Variants in EHMT1 observed in about 807,000 individuals in gnomAD.
The protein encoded by EHMT1 is histone-lysine N-methyltransferase EHMT1.
A neutral mutation model predicts 147.2 loss-of-function variants in EHMT1; 15 were observed. The ratio of observed to expected loss-of-function variants is 0.10; its 90% confidence interval spans 0.07 to 0.16. EHMT1 has a LOEUF of 0.16. EHMT1 is among the 10% of genes least tolerant of loss of function. EHMT1 has a pLI of 1.00. For synonymous variants in EHMT1, 795 were observed against 709.6 expected (o/e 1.12, Z -1.91); for missense variants, 1,587 against 1,772.4 (o/e 0.90, Z 1.88).
At chr9:137,669,048 C>G (rs928238663) in intron 1 of EHMT1, among the ~76,000 whole-genome samples, 1 of 152,092 alleles carries the variant, frequency 6.6e-6, no homozygotes, top group Admixed American at 6.6e-5. Flanking sequence ...CACTGACCCC[C>G]GCTAATTTTT....
At chr9:137,758,166 C>T (rs1052353148) in intron 9 of EHMT1, among the ~76,000 whole-genome samples, 155 bp downstream of exon 9, 8 of 152,260 alleles carry the variant, frequency 5.3e-5, no homozygotes, top group South Asian at 2.1e-4. Flanking sequence ...GGATGGGGTG[C>T]GTTTGCTGTG....
rs890540301 is a variant in EHMT1 at position 137,619,044 on chromosome 9, G to A, written c.16G>A (p.Ala6Thr). The A allele has an allele frequency of 7.3e-6, 7 of 958,026 alleles. No individual in the cohort carries two copies. The highest frequency in any genetic ancestry group is 8.7e-6 in the Non-Finnish European group (7 of 807,120). 59.3% of individuals were successfully genotyped at this position (958,026 alleles called of 1,614,324 possible). A position where few individuals can be genotyped will look rare whatever the true frequency, so the allele number is the denominator to read the frequency against. Residue 6 changes from alanine (A) to threonine (T), a missense_variant, in exon 1 of 27, where the codon GCC (alanine) becomes ACC (threonine). Ala to Thr is a moderately conservative substitution (Grantham distance 58). Coordinates refer to ENST00000460843, the MANE Select transcript of EHMT1 (RefSeq NM_024757.5). ...GGCCCGGGCCATGGCCGCCGCCGAT[G>A]CCGAGGTGAGCAGCGGGGCCGGCGG... MAAAD[A>T]EAVPARGEPQ...
At chr9:137,620,471 A>G (rs1467904852) in intron 1 of EHMT1, among the ~76,000 whole-genome samples, 1 of 152,162 alleles carries the variant, frequency 6.6e-6, no homozygotes, top group East Asian at 1.9e-4. Flanking sequence ...GCTGGAATGC[A>G]GAGGCATGAT....
intron 1 of EHMT1, among the ~76,000 whole-genome samples, chr9:137,630,247 G>C (rs1843540446): frequency 6.6e-6 from 1 of 152,200 alleles, no homozygotes; most frequent in African/African-American, 2.4e-5. Context: ...ACAAAGTTTT[G>C]AGATTGATCC....
At chr9:137,656,100 C>T (rs377368720) in intron 1 of EHMT1, among the ~76,000 whole-genome samples, 1 of 152,134 alleles carries the variant, frequency 6.6e-6, no homozygotes, top group East Asian at 1.9e-4. Flanking sequence ...GTACATATGG[C>T]TGGGCGCAGT....
Position 137,800,939 on chromosome 9 carries a change from G to A in EHMT1, c.2667G>A (p.Val889=). ...WATEYKHVDL[V]KLLLSKGSDI... is the part of the protein sequence containing the mutation. ...CAGAGTACAAGCACGTGGACCTCGT[G>A]AAGCTGCTGCTGTCCAAGGGCTCTG... Residue 889 remains valine, a synonymous_variant, in exon 18 of 27, where the codon GTG becomes GTA. Coordinates refer to ENST00000460843, the MANE Select transcript of EHMT1 (RefSeq NM_024757.5). 1.2e-6 allele frequency: 2 copies of A among 1,614,156 alleles called. No individual in the cohort carries two copies. The highest frequency in any genetic ancestry group is 1.7e-6 in the Non-Finnish European group (2 of 1,180,024).
At chr9:137,666,538 C>T (rs1041189347) in intron 1 of EHMT1, among the ~76,000 whole-genome samples, 1 of 146,378 alleles carries the variant, frequency 6.8e-6, no homozygotes, top group East Asian at 1.9e-4. Context: ...AGAGGCCAGG[C>T]TGTGCAGGGC....
At chr9:137,689,910 G>A (rs1219288280) in intron 1 of EHMT1, among the ~76,000 whole-genome samples, 2 of 152,230 alleles carry the variant, frequency 1.3e-5, no homozygotes, top group East Asian at 1.9e-4. Flanking sequence ...TGTGCCTGGC[G>A]TGGAGTAGAC....
intron 21 of EHMT1, among the ~76,000 whole-genome samples, chr9:137,814,056 G>GCCCCC (rs71387862): frequency 1.4e-3 from 70 of 50,054 alleles, no homozygotes; most frequent in Non-Finnish European, 1.7e-3. Context: ...CACTGCCCAG[G>GCCCCC]CCCCCCCCCC....
chr9:137,830,252 C>A (rs1269471210), intron 25 of EHMT1, among the ~76,000 whole-genome samples: 6 of 152,146 alleles, frequency 3.9e-5, no homozygotes, highest in Non-Finnish European at 8.8e-5. Context: ...CATGTGACAC[C>A]CAGGCCTCCC....
chr9:137,792,130 G>A (rs1167783402), intron 16 of EHMT1: 2 of 469,964 alleles, frequency 4.3e-6, no homozygotes, highest in Admixed American at 2.4e-5. Context: ...AAAGAACAGA[G>A]TTGGAGAACT....
intron 10 of EHMT1, 22 bp downstream of exon 10, chr9:137,762,842 T>G (rs1453818759): frequency 1.2e-6 from 2 of 1,613,756 alleles, no homozygotes; most frequent in Non-Finnish European, 1.7e-6. Context: ...TGTTTTCATT[T>G]AAAGCAGCCA....
intron 1 of EHMT1, among the ~76,000 whole-genome samples, chr9:137,657,424 G>C (rs539225156): frequency 6.6e-6 from 1 of 152,096 alleles, no homozygotes; most frequent in African/African-American, 2.4e-5. Flanking sequence ...GTTAGGATGA[G>C]AGGGTGGTGG....
rs377320362 is a variant in EHMT1, at chr9:137,816,012, G to T, written c.3324G>T (p.Ala1108=). ...EPPLIFECNH[A]CSCWRNCRNR... ...CCTTGATCTTCGAATGCAACCACGC[G>T]TGCTCCTGCTGGAGGAACTGCCGAA... Residue 1108 remains alanine (A), a synonymous_variant, in exon 23 of 27, where the codon GCG becomes GCT. Transcript: ENST00000460843. 2 of 1,613,106 alleles carry T rather than the reference G, an allele frequency of 1.2e-6. No homozygotes were observed. Among genetic ancestry groups the T allele is most frequent in the Non-Finnish European group, 1.7e-6 (2 of 1,179,594 alleles).
chr9:137,817,589 C>T, intron 24 of EHMT1, 64 bp downstream of exon 24: 2 of 1,602,104 alleles, frequency 1.2e-6, no homozygotes, highest in South Asian at 2.2e-5. Context: ...CCATCTGTGT[C>T]TGTACTTCAG....
Position 137,716,922 on chromosome 9 carries a change from A to T in EHMT1, c.382A>T (p.Asn128Tyr). The T allele has an allele frequency of 6.2e-7, 1 of 1,612,974 alleles. No homozygotes were observed. The highest frequency in any genetic ancestry group is 1.1e-5 in the South Asian group (1 of 91,084). The change falls in exon 3 of 27, where the codon AAT becomes TAT. Residue 128 changes from asparagine to tyrosine, a missense_variant. Asn to Tyr is a moderately radical substitution (Grantham distance 143, BLOSUM62 -2). This residue lies in a region of EHMT1 where 810 missense variants were observed against 673.0 expected (regional missense o/e 1.20). Transcript: ENST00000460843. ...SVIGSNGYILNKPALQAQPLR... is the reference protein window; with the variant it reads ...SVIGSNGYILYKPALQAQPLR... Reference sequence around the variant, plus strand: ...CATCGGCAGCAACGGATACATCTTAAATAAGCCGGCCCTACAGGCACAGCC... The same window carrying T: ...CATCGGCAGCAACGGATACATCTTATATAAGCCGGCCCTACAGGCACAGCC...
intron 1 of EHMT1, among the ~76,000 whole-genome samples, chr9:137,688,990 G>A (rs897047082): frequency 2.6e-5 from 4 of 152,206 alleles, no homozygotes; most frequent in Non-Finnish European, 4.4e-5. Context: ...GACTGACAGT[G>A]ACTGCTTGTT....
intron 10 of EHMT1, among the ~76,000 whole-genome samples, chr9:137,767,555 A>C (rs887104053): frequency 1.3e-5 from 2 of 152,164 alleles, no homozygotes. Context: ...GCTCACGCCT[A>C]TAATCCCAGC....
intron 7 of EHMT1, among the ~76,000 whole-genome samples, chr9:137,753,653 G>A (rs776158957): frequency 1.1e-4 from 16 of 152,256 alleles, no homozygotes; most frequent in Non-Finnish European, 2.1e-4. Context: ...GTGCATCCGT[G>A]TGTGACATGT....
Sources: allele counts gnomAD v4.1 joint callset (sites outside exome capture counted in the v4.1 genomes callset), GRCh38; gene constraint gnomAD v4.1.1; regional missense constraint gnomAD v4.1.1; transcripts MANE v1.5; gene names NCBI Gene and HGNC (gene_info 2026-07-23, HGNC 2026-07-21).